The following LCOR variants were observed in gnomAD, a reference collection of about 807,000 sequenced individuals.
LCOR encodes ligand-dependent corepressor.
A neutral mutation model predicts 64.4 loss-of-function variants in LCOR; 14 were observed. That is an observed-to-expected ratio of 0.22 (90% CI 0.14 to 0.34). The LOEUF is 0.34. LCOR is among the 10% of genes least tolerant of loss of function. The pLI, the probability that LCOR is intolerant of heterozygous loss-of-function variation, is 1.00. For missense variants in LCOR, 1,686 were observed against 1,765.3 expected (o/e 0.96, Z 0.80); for synonymous variants, 643 against 642.5 (o/e 1.00, Z -0.01).
chr10:96,976,020 G>A (rs773993609), intron 7 of LCOR, among the ~76,000 whole-genome samples: 17 of 152,172 alleles, frequency 1.1e-4, no homozygotes, highest in Admixed American at 3.3e-4. Flanking sequence ...ACAAGACCCC[G>A]TGTAATTGAG....
intron 4 of LCOR, among the ~76,000 whole-genome samples, chr10:96,908,256 G>A (rs1490314263): frequency 8.5e-5 from 13 of 152,158 alleles, no homozygotes; most frequent in Non-Finnish European, 1.5e-5. Flanking sequence ...CTCCCAAAGA[G>A]CTGGAATTAC....
At chr10:96,945,785 A>G (rs1847576734) in intron 5 of LCOR, among the ~76,000 whole-genome samples, 1 of 152,092 alleles carries the variant, frequency 6.6e-6, no homozygotes, top group Non-Finnish European at 1.5e-5. Context: ...TGGAGGAACC[A>G]CTTTTCATCC....
At chr10:96,968,589 G>A (rs565886204) in intron 7 of LCOR, among the ~76,000 whole-genome samples, 32 of 152,258 alleles carry the variant, frequency 2.1e-4, no homozygotes, top group African/African-American at 7.2e-4. Flanking sequence ...TGAAGAATAG[G>A]TAGGGCATGG....
At chr10:96,893,875 T>C (rs1432828983) in intron 2 of LCOR, among the ~76,000 whole-genome samples, 2 of 152,138 alleles carry the variant, frequency 1.3e-5, no homozygotes, top group East Asian at 1.9e-4. Flanking sequence ...ACTACATCTC[T>C]TACTTCCTAG....
chr10:96,889,207 C>G (rs917765935), intron 2 of LCOR, among the ~76,000 whole-genome samples: 5 of 152,090 alleles, frequency 3.3e-5, no homozygotes, highest in Non-Finnish European at 5.9e-5. Flanking sequence ...TTTTCCTGTT[C>G]TGGACATTTC....
At position 96,986,983 on chromosome 10, in the gene LCOR, T is replaced by G. The variant is rs922417928; in HGVS notation, c.*1849T>G. 2 of 152,186 alleles carry G rather than the reference T, an allele frequency of 1.3e-5. No homozygotes were observed. The highest frequency in any genetic ancestry group is 4.8e-5 in the African/African-American group (2 of 41,452). 9.4% of individuals were successfully genotyped at this position (152,186 alleles called of 1,614,324 possible). ...GAAAAGTATTTGATTTGTGAGAAAT[T>G]TAGAATTGTGTTGAATTTCATAGCT... On this transcript the variant is annotated 3_prime_UTR_variant, in exon 8 of 8. Transcript: ENST00000421806.
chr10:96,955,623 G>C, intron 7 of LCOR: 2 of 1,614,164 alleles, frequency 1.2e-6, no homozygotes, highest in Admixed American at 3.3e-5. Context: ...AGGAGACCCT[G>C]GCTCCAAGCA....
chr10:96,970,422 A>T (rs971215958), intron 7 of LCOR, among the ~76,000 whole-genome samples: 1 of 151,810 alleles, frequency 6.6e-6, no homozygotes, highest in Admixed American at 6.6e-5. Flanking sequence ...AAGAGTAAAA[A>T]ATAAATTGAC....
At chr10:96,899,639 T>C (rs1846599824) in intron 2 of LCOR, among the ~76,000 whole-genome samples, 1 of 152,120 alleles carries the variant, frequency 6.6e-6, no homozygotes, top group African/African-American at 2.4e-5. Flanking sequence ...ATTAAATTTA[T>C]TTTCTCTGTA....
chr10:96,882,679 A>G (rs1304097925), intron 2 of LCOR, among the ~76,000 whole-genome samples: 3 of 152,168 alleles, frequency 2.0e-5, no homozygotes, highest in African/African-American at 7.2e-5. Flanking sequence ...TGACCATTGT[A>G]GTGATGTACA....
intron 7 of LCOR, among the ~76,000 whole-genome samples, chr10:96,952,982 G>A (rs934955088): frequency 1.3e-5 from 2 of 152,130 alleles, no homozygotes; most frequent in Non-Finnish European, 2.9e-5. Flanking sequence ...GATTATCAAT[G>A]TGGGGGAGTT....
In LCOR at chr10:96,984,404, A is replaced by G. The variant is rs1848126574; in HGVS notation, c.3944A>G (p.Asn1315Ser). The G allele has an allele frequency of 2.5e-6, 4 of 1,614,188 alleles. No individual in the cohort carries two copies. The highest frequency in any genetic ancestry group is 3.4e-6 in the Non-Finnish European group (4 of 1,180,030). ...ASTRILRKYS[N>S]IRGKLRAQQR... The stretch of plus-strand genomic sequence containing the variant: ...ACCCGGATTCTTAGAAAATATTCCA[A>G]TATTCGAGGAAAGCTCAGAGCCCAG... The change falls in exon 8 of 8, where the codon AAT (asparagine) becomes AGT (serine). Residue 1315 changes from asparagine to serine, a missense_variant. By Grantham distance (46) the Asn-to-Ser change is conservative. This residue lies in a region of LCOR where 1,293 missense variants were observed against 1,410.4 expected (regional missense o/e 0.92). Coordinates refer to ENST00000421806, the MANE Select transcript of LCOR (RefSeq NM_001346516.2).
intron 4 of LCOR, among the ~76,000 whole-genome samples, chr10:96,924,863 A>G (rs1847140787): frequency 6.6e-6 from 1 of 152,076 alleles, no homozygotes; most frequent in Non-Finnish European, 1.5e-5. Context: ...AAAGTCAGGA[A>G]AGTTAACCCT....
At chr10:96,918,802 A>G (rs986167914) in intron 4 of LCOR, among the ~76,000 whole-genome samples, 1 of 152,194 alleles carries the variant, frequency 6.6e-6, no homozygotes, top group Non-Finnish European at 1.5e-5. Context: ...CTTTGCCCTC[A>G]CAGTGAGAGC....
intron 2 of LCOR, among the ~76,000 whole-genome samples, chr10:96,856,547 C>G (rs1845808054): frequency 6.6e-6 from 1 of 151,008 alleles, no homozygotes; most frequent in Non-Finnish European, 1.5e-5. Context: ...TACCCCTCCA[C>G]TCTGACAGGG....
rs1443799140 is a variant in LCOR at position 96,993,339 on chromosome 10, T to A, written c.*8205T>A. The A allele has an allele frequency of 6.6e-6, 1 of 152,170 alleles. No homozygotes were observed. 9.4% of individuals were successfully genotyped at this position (152,170 alleles called of 1,614,324 possible). A position where few individuals can be genotyped will look rare whatever the true frequency, so the allele number is the denominator to read the frequency against. ...ACTTGAACAGTAATGCTGGAGAATGTTTTTTCTAGGAGACTTTGTAAGCAA... is the reference window on the plus strand; with the variant it reads ...ACTTGAACAGTAATGCTGGAGAATGATTTTTCTAGGAGACTTTGTAAGCAA... On this transcript the variant is annotated 3_prime_UTR_variant, in exon 8 of 8. Transcript: ENST00000421806.
chr10:96,841,513 A>C (rs1845541133), intron 2 of LCOR, among the ~76,000 whole-genome samples: 1 of 152,014 alleles, frequency 6.6e-6, no homozygotes, highest in South Asian at 2.1e-4. Flanking sequence ...GGTGTGTGCC[A>C]CCATGCCCGG....
intron 4 of LCOR, among the ~76,000 whole-genome samples, chr10:96,939,600 G>C (rs1847412536): frequency 6.6e-6 from 1 of 152,100 alleles, no homozygotes; most frequent in African/African-American, 2.4e-5. Flanking sequence ...TCTAATAATG[G>C]ACTTGTTTCA....
intron 2 of LCOR, among the ~76,000 whole-genome samples, chr10:96,880,277 A>G (rs1846240809): frequency 6.6e-6 from 1 of 152,216 alleles, no homozygotes; most frequent in Non-Finnish European, 1.5e-5. Flanking sequence ...GTTTTATATC[A>G]TTGGTTTTCC....
Sources: allele counts gnomAD v4.1 joint callset (sites outside exome capture counted in the v4.1 genomes callset), GRCh38; gene constraint gnomAD v4.1.1; regional missense constraint gnomAD v4.1.1; transcripts MANE v1.5; gene names NCBI Gene and HGNC (gene_info 2026-07-23, HGNC 2026-07-21).